The following WDR72 variants were observed in gnomAD, a reference collection of about 807,000 sequenced individuals.
WDR72 encodes the protein WD repeat domain 72.
A neutral mutation model predicts 124.2 loss-of-function variants in WDR72; 120 were observed. That is an observed-to-expected ratio of 0.97 (90% confidence interval 0.83 to 1.12). WDR72 has a LOEUF of 1.12. WDR72 is among the 50% of genes most tolerant of loss of function. The pLI is 0.00. For synonymous variants in WDR72, 452 were observed against 441.7 expected, an observed-to-expected ratio of 1.02 and a Z score of -0.29; for missense variants, 1,387 against 1,278.8, an observed-to-expected ratio of 1.08 and a Z score of -1.29.
intron 3 of WDR72, among the ~76,000 whole-genome samples, chr15:53,722,379 T>C (rs1418440901): frequency 2.6e-5 from 4 of 152,180 alleles, no homozygotes; most frequent in Non-Finnish European, 5.9e-5. Flanking sequence ...ACATGAAGAC[T>C]GTAACTATTA....
At chr15:53,640,038 T>C (rs142761005) in intron 14 of WDR72, among the ~76,000 whole-genome samples, 40 of 152,340 alleles carry the variant, frequency 2.6e-4, no homozygotes, top group African/African-American at 9.4e-4. Context: ...TGGTTGAAGA[T>C]GTTATTCCAG....
chr15:53,760,450 G>C (rs921112414), upstream of WDR72, among the ~76,000 whole-genome samples: 1 of 151,962 alleles, frequency 6.6e-6, no homozygotes, highest in Non-Finnish European at 1.5e-5. Context: ...TTCGGTGCCT[G>C]GGTTATTTCA....
intron 18 of WDR72, among the ~76,000 whole-genome samples, chr15:53,553,012 C>CATTTATGA (rs1466984486): frequency 6.6e-6 from 1 of 152,014 alleles, no homozygotes; most frequent in African/African-American, 2.4e-5. Flanking sequence ...CGGTCAATAT[C>CATTTATGA]ATTTAAATCT....
chr15:53,582,572 T>A (rs999391113), intron 18 of WDR72, among the ~76,000 whole-genome samples: 5 of 151,936 alleles, frequency 3.3e-5, no homozygotes, highest in South Asian at 2.1e-4. Flanking sequence ...TTTCCCCGAA[T>A]ACCTGACCGC....
At chr15:53,656,521 T>C (rs2140436251) in intron 14 of WDR72, among the ~76,000 whole-genome samples, 1 of 152,278 alleles carries the variant, frequency 6.6e-6, no homozygotes, top group Non-Finnish European at 1.5e-5. Context: ...GCTACTCTCT[T>C]AGGGCCAGTT....
At chr15:53,715,095 A>G (rs2033223250) in intron 5 of WDR72, 98 bp downstream of exon 5, 3 of 1,331,324 alleles carry the variant, frequency 2.3e-6, no homozygotes, top group Non-Finnish European at 3.2e-6. Context: ...ATAAAGAAGC[A>G]TTCTTTCTGA....
At chr15:53,582,036 T>C (rs1035971366) in intron 18 of WDR72, among the ~76,000 whole-genome samples, 2 of 152,088 alleles carry the variant, frequency 1.3e-5, no homozygotes, top group East Asian at 3.9e-4. Context: ...CTGCCAATTG[T>C]AATATATAAA....
At chr15:53,649,939 T>G (rs1319330496) in intron 14 of WDR72, among the ~76,000 whole-genome samples, 1 of 152,182 alleles carries the variant, frequency 6.6e-6, no homozygotes, top group Non-Finnish European at 1.5e-5. Flanking sequence ...AATCGACTTC[T>G]GGGTATTTAT....
At chr15:53,732,709 A>C (rs2018236924) in intron 2 of WDR72, among the ~76,000 whole-genome samples, 1 of 152,204 alleles carries the variant, frequency 6.6e-6, no homozygotes. Context: ...CAGTTACTTA[A>C]ACATATAATT....
chr15:53,526,171 G>T (rs1362850424), intron 18 of WDR72, among the ~76,000 whole-genome samples: 1 of 152,032 alleles, frequency 6.6e-6, no homozygotes, highest in Non-Finnish European at 1.5e-5. Context: ...CACTTTTAAT[G>T]TGCCCTCATA....
At chr15:53,645,574 T>C (rs1365467441) in intron 14 of WDR72, among the ~76,000 whole-genome samples, 2 of 152,166 alleles carry the variant, frequency 1.3e-5, no homozygotes, top group East Asian at 3.9e-4. Context: ...TTTTGCATGT[T>C]GGTTTTTAAA....
At chr15:53,538,924 C>T (rs1230519984) in intron 18 of WDR72, among the ~76,000 whole-genome samples, 3 of 152,030 alleles carry the variant, frequency 2.0e-5, no homozygotes, top group Non-Finnish European at 4.4e-5. Context: ...AACACATACT[C>T]CATGAAACTC....
chr15:53,674,819 G>C (rs1567019430), intron 13 of WDR72, among the ~76,000 whole-genome samples: 1 of 151,992 alleles, frequency 6.6e-6, no homozygotes, highest in East Asian at 1.9e-4. Context: ...CTCTGCCACA[G>C]CCTCCAGCAC....
At chr15:53,687,543 C>T (rs879624787) in intron 13 of WDR72, among the ~76,000 whole-genome samples, 1 of 151,094 alleles carries the variant, frequency 6.6e-6, no homozygotes, top group Non-Finnish European at 1.5e-5. Context: ...AGACCAATAA[C>T]AGGATCTGAA....
intron 18 of WDR72, among the ~76,000 whole-genome samples, chr15:53,580,415 T>G (rs188122303): frequency 6.6e-6 from 1 of 152,196 alleles, no homozygotes. Context: ...GTGAAAAGAA[T>G]TGCGTGTACT....
chr15:53,706,350 G>GTGTA (rs1431924015), intron 9 of WDR72, among the ~76,000 whole-genome samples: 9 of 25,738 alleles, frequency 3.5e-4, no homozygotes, highest in African/African-American at 1.0e-3. Flanking sequence ...GTGTGTGTGT[G>GTGTA]TATATATATA....
chr15:53,529,164 ATTTT>A (rs1221581823), intron 18 of WDR72, among the ~76,000 whole-genome samples: 3 of 78,168 alleles, frequency 3.8e-5, no homozygotes, highest in African/African-American at 1.5e-4. Flanking sequence ...ATATATATAT[ATTTT>A]TTTTTTTTTT....
chr15:53,661,389 G>T (rs990606159), intron 14 of WDR72, among the ~76,000 whole-genome samples: 1 of 152,246 alleles, frequency 6.6e-6, no homozygotes, highest in East Asian at 1.9e-4. Flanking sequence ...AGACAGGAGA[G>T]GGAGGAGCTC....
chr15:53,607,038 C>T (rs531224246), intron 17 of WDR72, among the ~76,000 whole-genome samples: 1 of 152,246 alleles, frequency 6.6e-6, no homozygotes, highest in South Asian at 2.1e-4. Context: ...CTATTTTAAT[C>T]TTGCAAATAT....
Sources: allele counts gnomAD v4.1 joint callset (sites outside exome capture counted in the v4.1 genomes callset), GRCh38; gene constraint gnomAD v4.1.1; transcripts MANE v1.5; gene names NCBI Gene and HGNC (gene_info 2026-07-23, HGNC 2026-07-21).